SEC14L1: variants seen among roughly 807,000 people sequenced by gnomAD.
The protein encoded by SEC14L1 is SEC14 like lipid binding 1.
In SEC14L1, 48 loss-of-function variants were observed where a neutral mutation model predicts 85.3. That is an observed-to-expected ratio of 0.56 (90% CI 0.45 to 0.72). The LOEUF is 0.72. SEC14L1 is among the 30% of genes least tolerant of loss of function. The pLI is 0.00. For synonymous variants in SEC14L1, 391 were observed against 355.5 expected (o/e 1.10, Z -1.12); for missense variants, 682 against 921.4 (o/e 0.74, Z 3.36).
chr17:77,123,161 TGCCTCA>T (rs1161665418), intron 3 of SEC14L1, among the ~76,000 whole-genome samples: 1 of 151,564 alleles, frequency 6.6e-6, no homozygotes, highest in East Asian at 2.0e-4. Flanking sequence ...GCGATCCTTC[TGCCTCA>T]GCCTCCCGAG....
chr17:77,190,993 T>C (rs756936716), intron 4 of SEC14L1, 41 bp downstream of exon 4: 2 of 1,605,704 alleles, frequency 1.2e-6, no homozygotes, highest in Non-Finnish European at 1.7e-6. Flanking sequence ...AAGGGCGTCC[T>C]GGTGGGAGAG....
chr17:77,127,655 G>T lies in SEC14L1; in HGVS notation c.-135-14991G>T, dbSNP rs116164235. Among the ~76,000 whole-genome samples the T allele has an allele frequency of 1.0e-2, 1,513 of 151,996 alleles. 13 individuals are homozygous for T. The highest frequency in any genetic ancestry group is 0.026 in the African/African-American group (1,096 of 41,466). Reference sequence around the variant, plus strand: ...GTAAGCCACCACGCCTGGCCAAGGGGTTTTTTTTCTAACCAGCTGTAGAGG... The same window carrying T: ...GTAAGCCACCACGCCTGGCCAAGGGTTTTTTTTTCTAACCAGCTGTAGAGG... On this transcript the variant is annotated intron_variant, in intron 3 of 19. Coordinates refer to the SEC14L1 transcript ENST00000392476.
At chr17:77,164,176 G>A (rs769282010) in intron 3 of SEC14L1, among the ~76,000 whole-genome samples, 3 of 152,202 alleles carry the variant, frequency 2.0e-5, no homozygotes, top group African/African-American at 4.8e-5. Flanking sequence ...TGCTGACAGC[G>A]GTGTGGGCTG....
intron 3 of SEC14L1, among the ~76,000 whole-genome samples, chr17:77,177,978 G>A (rs562209356): frequency 6.6e-6 from 1 of 152,092 alleles, no homozygotes; most frequent in African/African-American, 2.4e-5. Context: ...ATTAGGTTTG[G>A]TGGGTAATGC....
Position 77,213,379 on chromosome 17 carries a change from G to C in SEC14L1, c.1929G>C (p.Ala643=), listed in dbSNP as rs771257105. 8.7e-6 allele frequency: 14 copies of C among 1,613,468 alleles called. No homozygotes were observed. Among genetic ancestry groups the C allele is most frequent in the Non-Finnish European group, 1.2e-5 (14 of 1,179,984 alleles). The part of the protein sequence containing the change: ...ILQWKFHSMP[A]CAASSLPRVD... ...AGTGGAAATTCCACAGCATGCCTGC[G>C]TGCGCCGCCAGCAGCCTTCCCCGGG... The change falls in exon 16 of 17, where the codon GCG becomes GCC. Residue 643 remains alanine (A), a synonymous_variant. Coordinates refer to ENST00000436233, the MANE Select transcript of SEC14L1 (RefSeq NM_001143998.2). This position sits in a 1 kb window ranked among gnomAD's most constrained non-coding sequence, Gnocchi z 7.1.
Position 77,112,424 on chromosome 17 carries a change from T to A in SEC14L1, c.-136+19077T>A, listed in dbSNP as rs1013612781. On this transcript the variant is annotated intron_variant, in intron 3 of 19. Coordinates refer to the SEC14L1 transcript ENST00000392476. Reference sequence around the variant, plus strand: ...TAATCCTTTTCTCTTATCTATATTTTCAGAAGTTTTCCCAGGAATACACAT... The same window carrying A: ...TAATCCTTTTCTCTTATCTATATTTACAGAAGTTTTCCCAGGAATACACAT... Among the ~76,000 whole-genome samples, 44 of 152,272 alleles carry A rather than the reference T, an allele frequency of 2.9e-4. 1 individual carries two copies. The highest frequency in any genetic ancestry group is 1.0e-3 in the African/African-American group (43 of 41,544).
intron 3 of SEC14L1, among the ~76,000 whole-genome samples, chr17:77,102,735 T>C (rs1971807310): frequency 6.6e-6 from 1 of 152,022 alleles, no homozygotes; most frequent in African/African-American, 2.4e-5. Context: ...AGCTCCTGAC[T>C]TCAGGTGATC....
At chr17:77,111,875 A>G (rs541878155) in intron 3 of SEC14L1, among the ~76,000 whole-genome samples, 2 of 152,294 alleles carry the variant, frequency 1.3e-5, no homozygotes, top group South Asian at 4.1e-4. Context: ...TTTGGGAGAC[A>G]GTTAGAAAGG....
At chr17:77,145,890 C>T (rs755397672) in intron 3 of SEC14L1, among the ~76,000 whole-genome samples, 18 of 152,196 alleles carry the variant, frequency 1.2e-4, no homozygotes, top group Non-Finnish European at 2.2e-4. Flanking sequence ...GGCTGCTTTG[C>T]TCACTCCTAG....
chr17:77,139,198 C>T (rs1236834274), upstream of SEC14L1, among the ~76,000 whole-genome samples: 1 of 132,664 alleles, frequency 7.5e-6, no homozygotes, highest in African/African-American at 2.9e-5. Flanking sequence ...CGGAGTCTTG[C>T]TGGAGTCCAG....
chr17:77,151,977 ATTAT>A (rs1973580110), intron 3 of SEC14L1, among the ~76,000 whole-genome samples: 1 of 151,978 alleles, frequency 6.6e-6, no homozygotes, highest in African/African-American at 2.4e-5. Flanking sequence ...TTTTGCTTAT[ATTAT>A]TTTTATTTTT....
chr17:77,197,290 C>T (rs1265352281), intron 8 of SEC14L1, among the ~76,000 whole-genome samples: 1 of 152,198 alleles, frequency 6.6e-6, no homozygotes, highest in East Asian at 1.9e-4. Flanking sequence ...CGGAGGAAGA[C>T]ACTTGGTCCA....
At chr17:77,112,590 A>G (rs920287061) in intron 3 of SEC14L1, among the ~76,000 whole-genome samples, 10 of 152,188 alleles carry the variant, frequency 6.6e-5, no homozygotes, top group African/African-American at 2.4e-4. Context: ...AGATGAATTG[A>G]AAAGTATTTA....
At position 77,213,929 on chromosome 17, in the gene SEC14L1, C is replaced by T. The variant is rs200675740; in HGVS notation, c.2054C>T (p.Thr685Met). 1 of 1,613,082 alleles carries T rather than the reference C, an allele frequency of 6.2e-7. No individual in the cohort carries two copies. Among genetic ancestry groups the T allele is most frequent in the Admixed American group, 1.7e-5 (1 of 59,988 alleles). Residue 685 changes from threonine (T) to methionine (M), a missense_variant, in exon 17 of 17, where the codon ACG (threonine) becomes ATG (methionine). Around this residue, in one of 3 missense-constraint regions of SEC14L1, gnomAD observed 420 missense variants for 619.5 expected, o/e 0.68. Transcript: ENST00000436233. This position sits in a 1 kb window ranked among gnomAD's most constrained non-coding sequence, Gnocchi z 7.1. ...IGSEDFRGSM[T>M]SLESSHSGFS... ...CTGTGCCATTACAGAGGTTCCATGA[C>T]GAGCCTGGAGTCCAGCCACAGCGGC...
At chr17:77,208,425 C>T (rs1371826581) in intron 13 of SEC14L1, among the ~76,000 whole-genome samples, 3 of 152,186 alleles carry the variant, frequency 2.0e-5, no homozygotes, top group African/African-American at 4.8e-5. Flanking sequence ...CCAAGGAGAC[C>T]TGCCTCACCG....
chr17:77,205,315 G>T lies in SEC14L1; in HGVS notation c.1138G>T (p.Glu380Ter). Residue 380 changes from glutamate (E) to a stop codon, truncating the protein, a stop_gained, in exon 11 of 17, where the codon GAG becomes TAG. Transcript: ENST00000436233. LOFTEE classifies it high-confidence loss of function. ...TGAAGAAGGGCTAAGGCGATGCGAAGAGAATACAAAAGTCTTTGGTCGGCC... is the reference window on the plus strand; with the variant it reads ...TGAAGAAGGGCTAAGGCGATGCGAATAGAATACAAAAGTCTTTGGTCGGCC... ...INEEGLRRCE[E>*]NTKVFGRPIS... 6.2e-7 allele frequency: 1 copy of T among 1,614,194 alleles called. No homozygotes were observed. The highest frequency in any genetic ancestry group is 8.5e-7 in the Non-Finnish European group (1 of 1,180,028).
intron 3 of SEC14L1, among the ~76,000 whole-genome samples, chr17:77,106,786 C>A (rs935517715): frequency 3.4e-4 from 51 of 151,528 alleles, no homozygotes; most frequent in African/African-American, 1.2e-3. Context: ...GCAGTGAGCC[C>A]TGGTGGCGCC....
At chr17:77,102,652 T>TG (rs1209674133) in intron 3 of SEC14L1, among the ~76,000 whole-genome samples, 1 of 151,952 alleles carries the variant, frequency 6.6e-6, no homozygotes, top group Non-Finnish European at 1.5e-5. Context: ...TACAGGCACA[T>TG]GCCACCACAC....
At chr17:77,132,548 C>A (rs755359402) in intron 3 of SEC14L1, among the ~76,000 whole-genome samples, 17 of 152,126 alleles carry the variant, frequency 1.1e-4, no homozygotes, top group Non-Finnish European at 2.4e-4. Context: ...TTAAACACAA[C>A]CCCCCAGCAT....
Sources: allele counts gnomAD v4.1 joint callset (sites outside exome capture counted in the v4.1 genomes callset), GRCh38; gene constraint gnomAD v4.1.1; regional missense constraint gnomAD v4.1.1; non-coding constraint Gnocchi (gnomAD v3.1); transcripts MANE v1.5; gene names NCBI Gene and HGNC (gene_info 2026-07-23, HGNC 2026-07-21).